The following NRXN1 variants were observed in gnomAD, a reference collection of about 807,000 sequenced individuals.
The protein encoded by NRXN1 is neurexin 1.
A neutral mutation model predicts 150.9 loss-of-function variants in NRXN1; 39 were observed. That is an observed-to-expected ratio of 0.26 (90% CI 0.20 to 0.34). NRXN1 has a LOEUF of 0.34. Among genes scored for constraint, NRXN1 ranks in the 10% least tolerant of loss-of-function variants. NRXN1 has a pLI of 1.00. For synonymous variants in NRXN1, 924 were observed against 757.0 expected, an observed-to-expected ratio of 1.22 and a Z score of -3.62; for missense variants, 1,815 against 1,949.9, an observed-to-expected ratio of 0.93 and a Z score of 1.30.
intron 19 of NRXN1, among the ~76,000 whole-genome samples, chr2:50,069,846 G>GT (rs1467398706): frequency 0.012 from 790 of 66,178 alleles, 4 homozygotes; most frequent in African/African-American, 0.081. Context: ...AGATTTTGGG[G>GT]GTTTTTTTTT....
chr2:50,068,940 G>T (rs141681620), intron 19 of NRXN1, among the ~76,000 whole-genome samples: 1,855 of 152,206 alleles, frequency 0.012, 17 homozygotes, highest in Non-Finnish European at 0.017. Context: ...CCCAAGCAAT[G>T]TCATCTTTAT....
intron 17 of NRXN1, among the ~76,000 whole-genome samples, chr2:50,323,517 A>T (rs2076183204): frequency 6.6e-6 from 1 of 151,940 alleles, no homozygotes; most frequent in Non-Finnish European, 1.5e-5. Flanking sequence ...CAATGTTTGG[A>T]GGAGAACCAA....
At chr2:50,506,639 C>A in intron 12 of NRXN1, 22 bp from the exon 13 acceptor site, 2 of 1,609,920 alleles carry the variant, frequency 1.2e-6, no homozygotes, top group South Asian at 1.1e-5. Context: ...GCCAAACAGT[C>A]ATTATGGACA....
intron 9 of NRXN1, among the ~76,000 whole-genome samples, chr2:50,541,482 A>C (rs750471283): frequency 6.6e-5 from 10 of 152,168 alleles, no homozygotes; most frequent in Admixed American, 2.6e-4. Context: ...GGATGGAGTA[A>C]CTGTGTCTCT....
At chr2:50,447,731 G>T in intron 17 of NRXN1, among the ~76,000 whole-genome samples, 1 of 72,056 alleles carries the variant, frequency 1.4e-5, no homozygotes. Context: ...AGTAAGCAGG[G>T]GAACGTTATA....
chr2:50,307,041 G>A (rs1237553656), intron 17 of NRXN1, among the ~76,000 whole-genome samples: 1 of 152,052 alleles, frequency 6.6e-6, no homozygotes, highest in Non-Finnish European at 1.5e-5. Context: ...CTGGAGTGCA[G>A]TGGCGTGATC....
intron 21 of NRXN1, among the ~76,000 whole-genome samples, chr2:50,021,162 C>A (rs1240463877): frequency 6.6e-6 from 1 of 152,148 alleles, no homozygotes; most frequent in Non-Finnish European, 1.5e-5. Flanking sequence ...AAGATGTATA[C>A]GTGATCATCT....
intron 21 of NRXN1, among the ~76,000 whole-genome samples, chr2:49,948,142 A>C (rs1673283783): frequency 6.6e-6 from 1 of 152,028 alleles, no homozygotes; most frequent in Non-Finnish European, 1.5e-5. Flanking sequence ...AACTTAAAAA[A>C]CTGCTTCTTA....
intron 8 of NRXN1, among the ~76,000 whole-genome samples, chr2:50,570,554 G>T (rs984118091): frequency 2.6e-5 from 4 of 152,142 alleles, no homozygotes; most frequent in African/African-American, 9.7e-5. Flanking sequence ...TTAGCACTTT[G>T]TGTGAATCTT....
intron 12 of NRXN1, among the ~76,000 whole-genome samples, chr2:50,508,855 T>C (rs1056310618): frequency 2.6e-5 from 4 of 152,180 alleles, no homozygotes; most frequent in Non-Finnish European, 4.4e-5. Flanking sequence ...AACAGATTGA[T>C]TTTAGAAGAT....
intron 5 of NRXN1, among the ~76,000 whole-genome samples, chr2:50,631,652 C>T (rs1314194309): frequency 5.3e-5 from 8 of 152,014 alleles, no homozygotes; most frequent in Admixed American, 2.0e-4. Context: ...AACTCTAGTA[C>T]GATAATTTTC....
intron 17 of NRXN1, among the ~76,000 whole-genome samples, chr2:50,464,194 T>C (rs2088565286): frequency 1.3e-5 from 2 of 151,800 alleles, no homozygotes; most frequent in South Asian, 4.1e-4. Context: ...TACATGTTTA[T>C]TGCTTCAGGT....
At chr2:50,180,666 G>A (rs1413009724) in intron 18 of NRXN1, among the ~76,000 whole-genome samples, 1 of 152,102 alleles carries the variant, frequency 6.6e-6, no homozygotes, top group Non-Finnish European at 1.5e-5. Context: ...TCCTAAAGCA[G>A]AGACCAAACC....
intron 17 of NRXN1, among the ~76,000 whole-genome samples, chr2:50,380,279 TGTGTGTGTGTGTGTGTGC>T (rs2080855812): frequency 9.5e-6 from 1 of 105,314 alleles, no homozygotes; most frequent in African/African-American, 4.8e-5. Context: ...ACCACATATG[TGTGTGTGTGTGTGTGTGC>T]GTGTGTGTGT....
intron 8 of NRXN1, among the ~76,000 whole-genome samples, chr2:50,612,188 A>G (rs1678264807): frequency 6.6e-6 from 1 of 152,066 alleles, no homozygotes; most frequent in South Asian, 2.1e-4. Context: ...CACTTTTCCT[A>G]TCTCCATGTC....
At chr2:50,469,339 T>G (rs148646724) in intron 16 of NRXN1, among the ~76,000 whole-genome samples, 222 of 151,738 alleles carry the variant, frequency 1.5e-3, no homozygotes, top group African/African-American at 5.2e-3. Flanking sequence ...TGAAATAAAT[T>G]AGAAATAAAA....
chr2:50,990,065 A>ATGACTAATGATGT (rs1698316953), intron 2 of NRXN1, among the ~76,000 whole-genome samples: 2 of 152,048 alleles, frequency 1.3e-5, no homozygotes, highest in Non-Finnish European at 2.9e-5. Context: ...ATGTTTACTA[A>ATGACTAATGATGT]TGACTAATGA....
intron 17 of NRXN1, among the ~76,000 whole-genome samples, chr2:50,439,440 T>C (rs1279256099): frequency 6.6e-6 from 1 of 152,202 alleles, no homozygotes; most frequent in East Asian, 1.9e-4. Context: ...GACAGTGTTA[T>C]ACATGCAGTA....
intron 21 of NRXN1, among the ~76,000 whole-genome samples, chr2:50,050,579 T>G (rs553243323): frequency 1.2e-4 from 18 of 152,096 alleles, no homozygotes; most frequent in African/African-American, 4.3e-4. Flanking sequence ...TAGACAACAT[T>G]TAAAGGAAGA....
Sources: allele counts gnomAD v4.1 joint callset (sites outside exome capture counted in the v4.1 genomes callset), GRCh38; gene constraint gnomAD v4.1.1; transcripts MANE v1.5; gene names NCBI Gene and HGNC (gene_info 2026-07-23, HGNC 2026-07-21).